SHE: variants seen among roughly 807,000 people sequenced by gnomAD.
The protein encoded by SHE is SH2 domain-containing adapter protein E.
SHE carries 11 observed loss-of-function variants against 49.8 expected under a neutral mutation model. That is an observed-to-expected ratio of 0.22 (90% CI 0.14 to 0.37). The LOEUF (loss-of-function observed/expected upper bound fraction) is 0.37, where lower values mean the gene tolerates loss of function less well. SHE is among the 10% of genes least tolerant of loss of function. SHE has a pLI of 1.00. For synonymous variants in SHE, 310 were observed against 278.1 expected, an observed-to-expected ratio of 1.11 and a Z score of -1.14; for missense variants, 624 against 655.5, an observed-to-expected ratio of 0.95 and a Z score of 0.52.
intron 3 of SHE, among the ~76,000 whole-genome samples, chr1:154,487,507 C>T (rs1692216741): frequency 6.6e-6 from 1 of 151,868 alleles, no homozygotes; most frequent in Admixed American, 6.6e-5. Flanking sequence ...GAAATGGCAG[C>T]ACCTGGCACA....
At chr1:154,474,412 C>T (rs531670993) in intron 1 of SHE, among the ~76,000 whole-genome samples, 24 of 152,358 alleles carry the variant, frequency 1.6e-4, no homozygotes, top group South Asian at 8.3e-4. Flanking sequence ...TACCTAGCCA[C>T]ACCTCTGCAC....
chr1:154,494,992 C>A (rs925776435), intron 2 of SHE, among the ~76,000 whole-genome samples: 3 of 152,348 alleles, frequency 2.0e-5, no homozygotes, highest in Admixed American at 2.0e-4. Flanking sequence ...GTAGAGATTG[C>A]AGTGAGCTGA....
chr1:154,491,998 T>C (rs181837453), intron 2 of SHE, among the ~76,000 whole-genome samples: 31 of 152,246 alleles, frequency 2.0e-4, no homozygotes, highest in African/African-American at 7.2e-4. Flanking sequence ...AGACTTTCTA[T>C]CTGTAACTTC....
downstream of SHE, among the ~76,000 whole-genome samples, chr1:154,474,712 C>T (rs1047130967): frequency 2.0e-5 from 3 of 152,068 alleles, no homozygotes. Context: ...GCTATGTTGG[C>T]CAGGCTGGTC....
At position 154,481,281 on chromosome 1, in the gene SHE, A is replaced by G; in HGVS notation, c.*2868T>C. On this transcript the variant is annotated 3_prime_UTR_variant, in exon 6 of 6. Coordinates refer to ENST00000304760, the MANE Select transcript of SHE (RefSeq NM_001010846.3). ...TGTGTCACAACCTCAAGAAGAAAATAGCTCACTAACGCCCCCACCTCTGAC... is the reference window on the plus strand; with the variant it reads ...TGTGTCACAACCTCAAGAAGAAAATGGCTCACTAACGCCCCCACCTCTGAC... 1 of 985,456 alleles carries G rather than the reference A, an allele frequency of 1.0e-6. No individual in the cohort carries two copies. Among genetic ancestry groups the G allele is most frequent in the African/African-American group, 1.7e-5 (1 of 57,362 alleles). The allele number at this position is 985,456 out of a possible 1,614,324, so 61.0% of individuals were successfully genotyped here.
chr1:154,489,163 C>T lies in SHE; in HGVS notation c.912G>A (p.Glu304=). Residue 304 remains glutamate (E), a synonymous_variant, in exon 3 of 6, where the codon GAG becomes GAA. Transcript: ENST00000304760. ...GGCTGTCTGGGGGCCGCGCCTTCCCCTCTGCCCTGGGCCCCCCTTCTGCAG... is the reference window on the plus strand; with the variant it reads ...GGCTGTCTGGGGGCCGCGCCTTCCCTTCTGCCCTGGGCCCCCCTTCTGCAG... The part of the protein sequence containing the change: ...YEPAEGGPRA[E]GKARPPDSRL... 6.2e-7 allele frequency: 1 copy of T among 1,614,178 alleles called. No homozygotes were observed. Among genetic ancestry groups the T allele is most frequent in the South Asian group, 1.1e-5 (1 of 91,088 alleles).
intron 2 of SHE, among the ~76,000 whole-genome samples, chr1:154,496,621 T>C (rs1320152054): frequency 1.3e-5 from 2 of 152,210 alleles, no homozygotes; most frequent in African/African-American, 2.4e-5. Flanking sequence ...TGCTAATTCC[T>C]GCTCTGTCTC....
chr1:154,474,748 G>A (rs1357607667), downstream of SHE, among the ~76,000 whole-genome samples: 2 of 152,034 alleles, frequency 1.3e-5, no homozygotes, highest in African/African-American at 4.8e-5. Flanking sequence ...CAAGTGATCT[G>A]CCCACCTCGG....
chr1:154,497,118 A>G lies in SHE; in HGVS notation c.718+1994T>C, dbSNP rs371079454. Among the ~76,000 whole-genome samples, 9 of 152,302 alleles carry G rather than the reference A, an allele frequency of 5.9e-5. No individual in the cohort carries two copies. The East Asian group carries it at 1.5e-3, about 26-fold the overall frequency. On this transcript the variant is annotated intron_variant, in intron 2 of 5. Transcript: ENST00000304760. ...TTCAGGGTCACAGCCTGGCCAGGGT[A>G]CACCCTCCCCACACGGAGGGCCTTA...
chr1:154,495,385 A>T (rs1022905506), intron 2 of SHE, among the ~76,000 whole-genome samples: 4 of 152,226 alleles, frequency 2.6e-5, no homozygotes, highest in Non-Finnish European at 4.4e-5. Flanking sequence ...GTATTCAGTC[A>T]TATCTTTTTA....
chr1:154,501,887 AG>A lies in SHE; in HGVS notation c.139del (p.Leu47Ter). ...MAAKWFKEFP[L>X]NLKTVSERAK... is the part of the protein sequence containing the mutation. ...CCGCTCCGACACGGTCTTCAGGTTC[AG>A]GGGGAACTCCTTGAACCACTTGGCC... is the stretch of plus-strand genomic sequence containing the variant. On this transcript the variant is annotated frameshift_variant, in exon 1 of 6. Transcript: ENST00000304760. LOFTEE classifies it high-confidence loss of function. 1 of 1,530,064 alleles carries A rather than the reference AG, an allele frequency of 6.5e-7. No individual in the cohort carries two copies. Among genetic ancestry groups the A allele is most frequent in the East Asian group, 2.5e-5 (1 of 40,170 alleles). 94.8% of individuals were successfully genotyped at this position (1,530,064 alleles called of 1,614,324 possible).
At chr1:154,500,716 T>C (rs957034021) in intron 1 of SHE, among the ~76,000 whole-genome samples, 2 of 152,190 alleles carry the variant, frequency 1.3e-5, no homozygotes, top group Non-Finnish European at 2.9e-5. Context: ...TTTTCCACAT[T>C]GGACAGCACC....
At position 154,480,465 on chromosome 1, in the gene SHE, C is replaced by T. The variant is rs545609007; in HGVS notation, c.*3684G>A. On this transcript the variant is annotated 3_prime_UTR_variant, in exon 6 of 6. Coordinates refer to ENST00000304760, the MANE Select transcript of SHE (RefSeq NM_001010846.3). Reference sequence around the variant, plus strand: ...TCCAGTAACAACAGCCAATAACAGACTAGTAACAGAGTTACATAATCCAAT... The same window carrying T: ...TCCAGTAACAACAGCCAATAACAGATTAGTAACAGAGTTACATAATCCAAT... The T allele has an allele frequency of 1.0e-6, 1 of 985,458 alleles. No homozygotes were observed. The highest frequency in any genetic ancestry group is 1.2e-6 in the Non-Finnish European group (1 of 829,930). 61.0% of individuals were successfully genotyped at this position (985,458 alleles called of 1,614,324 possible).
At chr1:154,473,216 T>G (rs1261799747) in intron 1 of SHE, among the ~76,000 whole-genome samples, 1 of 151,810 alleles carries the variant, frequency 6.6e-6, no homozygotes, top group Non-Finnish European at 1.5e-5. Flanking sequence ...GTCAGGCTGG[T>G]CTCAAACTCC....
At chr1:154,497,251 T>C (rs1692558412) in intron 2 of SHE, among the ~76,000 whole-genome samples, 1 of 152,230 alleles carries the variant, frequency 6.6e-6, no homozygotes, top group Admixed American at 6.5e-5. Flanking sequence ...TACTCTCTGC[T>C]CAACTCTTCT....
chr1:154,494,934 C>A (rs1692478653), intron 2 of SHE, among the ~76,000 whole-genome samples: 1 of 152,164 alleles, frequency 6.6e-6, no homozygotes, highest in Non-Finnish European at 1.5e-5. Context: ...TGCCTGTAAT[C>A]CCAGTTACTT....
chr1:154,495,030 C>T (rs941411259), intron 2 of SHE, among the ~76,000 whole-genome samples: 90 of 152,280 alleles, frequency 5.9e-4, no homozygotes, highest in Admixed American at 2.5e-3. Context: ...CCAGCCTGGG[C>T]GACACAGCGA....
downstream of SHE, among the ~76,000 whole-genome samples, chr1:154,478,170 T>C (rs1347455090): frequency 6.6e-6 from 1 of 152,154 alleles, no homozygotes; most frequent in Non-Finnish European, 1.5e-5. Flanking sequence ...AGCAAGATAA[T>C]GAAGCACACC....
chr1:154,501,454 A>C lies in SHE; in HGVS notation c.573T>G (p.Ile191Met). The C allele has an allele frequency of 6.2e-7, 1 of 1,614,142 alleles. No homozygotes were observed. The highest frequency in any genetic ancestry group is 8.5e-7 in the Non-Finnish European group (1 of 1,180,012). Reference protein sequence around the residue: ...SLGPELDKGKIIKQQETVIIL... With the variant: ...SLGPELDKGKMIKQQETVIIL... The stretch of plus-strand genomic sequence containing the variant: ...TTCTTACCGTCTCTTGCTGCTTAAT[A>C]ATCTTGCCCTTGTCCAGCTCGGGCC... Residue 191 changes from isoleucine (I) to methionine (M), a missense_variant, in exon 1 of 6, where the codon ATT (isoleucine) becomes ATG (methionine). Around this residue, in one of 4 missense-constraint regions of SHE, gnomAD observed 337 missense variants for 306.0 expected, o/e 1.10. Transcript: ENST00000304760.
Sources: gnomAD v4.1 joint callset for allele counts (sites outside exome capture counted in the v4.1 genomes callset) on GRCh38, gnomAD v4.1.1 for gene constraint, gnomAD v4.1.1 regional missense constraint, MANE v1.5 for transcripts, NCBI Gene and HGNC (gene_info 2026-07-23, HGNC 2026-07-21) for gene names.